RIMS2: variants seen among roughly 807,000 people sequenced by gnomAD.
The protein encoded by RIMS2 is regulating synaptic membrane exocytosis 2.
Under a neutral mutation model 174.4 loss-of-function variants are expected in RIMS2, and 59 were observed. The observed-to-expected ratio is 0.34, with a 90% CI of 0.27 to 0.42. The LOEUF is 0.42. RIMS2 is among the 10% of genes least tolerant of loss of function. The pLI is 1.00. For synonymous variants in RIMS2, 606 were observed against 572.5 expected (o/e 1.06, Z -0.84); for missense variants, 1,620 against 1,666.3 (o/e 0.97, Z 0.48).
At chr8:103,751,475 C>A (rs1016054805) in intron 2 of RIMS2, among the ~76,000 whole-genome samples, 8 of 151,718 alleles carry the variant, frequency 5.3e-5, no homozygotes, top group Non-Finnish European at 8.8e-5. Context: ...AATGGGATGT[C>A]TGGGTCAAAT....
intron 2 of RIMS2, among the ~76,000 whole-genome samples, chr8:103,732,444 G>A (rs187053247): frequency 7.9e-4 from 120 of 152,244 alleles, no homozygotes; most frequent in African/African-American, 2.7e-3. Context: ...GACCACTGGT[G>A]AACATATCAT....
At chr8:103,964,628 A>T (rs1361260719) in intron 15 of RIMS2, among the ~76,000 whole-genome samples, 1 of 151,908 alleles carries the variant, frequency 6.6e-6, no homozygotes, top group Admixed American at 6.6e-5. Context: ...TAAAGCAGGG[A>T]TTGTCTTGAC....
chr8:103,644,850 A>G (rs2096295424), intron 1 of RIMS2, among the ~76,000 whole-genome samples: 1 of 151,868 alleles, frequency 6.6e-6, no homozygotes, highest in South Asian at 2.1e-4. Context: ...GAAATTGGAA[A>G]CTGATTTTTA....
intron 3 of RIMS2, chr8:103,819,189 T>C: frequency 1.8e-6 from 2 of 1,134,180 alleles, no homozygotes; most frequent in Non-Finnish European, 1.1e-6. Flanking sequence ...TAGAGAAATA[T>C]GAGTAGAGTA....
At chr8:104,201,754 G>A (rs1300687961) in intron 19 of RIMS2, among the ~76,000 whole-genome samples, 5 of 152,126 alleles carry the variant, frequency 3.3e-5, no homozygotes, top group Admixed American at 2.6e-4. Flanking sequence ...ATTTGAACGA[G>A]TTATAATTCC....
chr8:104,051,478 A>T (rs1047686359), intron 19 of RIMS2, among the ~76,000 whole-genome samples: 1 of 152,076 alleles, frequency 6.6e-6, no homozygotes, highest in African/African-American at 2.4e-5. Flanking sequence ...AATTTAAGGA[A>T]ATCTGTAAAA....
chr8:103,645,920 C>T (rs2096319798), intron 1 of RIMS2, among the ~76,000 whole-genome samples: 1 of 152,100 alleles, frequency 6.6e-6, no homozygotes, highest in Non-Finnish European at 1.5e-5. Flanking sequence ...GTTTATTTCA[C>T]CTGGGTGCAG....
intron 14 of RIMS2, among the ~76,000 whole-genome samples, chr8:103,959,875 G>A (rs2154545225): frequency 6.6e-6 from 1 of 152,198 alleles, no homozygotes; most frequent in South Asian, 2.1e-4. Flanking sequence ...GAAATTTATA[G>A]CACTAAATGC....
At chr8:103,773,222 C>T (rs36000561) in intron 3 of RIMS2, among the ~76,000 whole-genome samples, 17,636 of 151,918 alleles carry the variant, frequency 0.12, 1,356 homozygotes, top group Non-Finnish European at 0.17. Flanking sequence ...CACTGTATAA[C>T]CATGTTGTAT....
chr8:103,634,808 A>T (rs562710120), intron 1 of RIMS2, among the ~76,000 whole-genome samples: 8 of 152,004 alleles, frequency 5.3e-5, no homozygotes, highest in African/African-American at 1.7e-4. Flanking sequence ...GTTGTCTTGA[A>T]ATCTGTTCTG....
At chr8:103,636,786 G>A (rs888920335) in intron 1 of RIMS2, among the ~76,000 whole-genome samples, 2 of 27,160 alleles carry the variant, frequency 7.4e-5, no homozygotes, top group Admixed American at 3.8e-4. Flanking sequence ...ACCCACCCCC[G>A]CACCCCCCCC....
At chr8:103,995,496 AC>A (rs2095033583) in intron 17 of RIMS2, among the ~76,000 whole-genome samples, 1 of 152,076 alleles carries the variant, frequency 6.6e-6, no homozygotes, top group Non-Finnish European at 1.5e-5. Flanking sequence ...GGCATTCTTG[AC>A]AGAATGATGA....
chr8:103,794,000 A>T (rs892702183), intron 3 of RIMS2, among the ~76,000 whole-genome samples: 1 of 152,226 alleles, frequency 6.6e-6, no homozygotes, highest in East Asian at 1.9e-4. Flanking sequence ...GAAAATGGCC[A>T]TACTGCCCAA....
At chr8:103,645,165 G>A (rs1353666599) in intron 1 of RIMS2, among the ~76,000 whole-genome samples, 1 of 151,916 alleles carries the variant, frequency 6.6e-6, no homozygotes, top group Non-Finnish European at 1.5e-5. Flanking sequence ...ATAGAATTCA[G>A]TGTCACTATA....
intron 10 of RIMS2, among the ~76,000 whole-genome samples, chr8:103,922,960 T>A (rs1334606131): frequency 1.3e-5 from 2 of 151,966 alleles, no homozygotes; most frequent in African/African-American, 4.8e-5. Context: ...AGATTGTAAA[T>A]GTTCCACTAA....
chr8:104,096,295 TA>T (rs1405632978), intron 19 of RIMS2, among the ~76,000 whole-genome samples: 4 of 152,206 alleles, frequency 2.6e-5, no homozygotes, highest in African/African-American at 9.6e-5. Context: ...CACGCTGCCA[TA>T]CCTGGCTTGC....
At chr8:103,791,641 T>C (rs1436704855) in intron 3 of RIMS2, among the ~76,000 whole-genome samples, 2 of 151,900 alleles carry the variant, frequency 1.3e-5, no homozygotes, top group Admixed American at 1.3e-4. Context: ...CGGTAAAGAG[T>C]CAAGATCCAT....
At chr8:103,885,819 A>G (rs2099197510) in exon 4 of RIMS2, 1 of 1,612,898 alleles carries the variant, frequency 6.2e-7, no homozygotes, top group South Asian at 1.1e-5. Context: ...ATGGAAAATC[A>G]GCGATCTTAT....
intron 3 of RIMS2, among the ~76,000 whole-genome samples, chr8:103,841,442 G>A (rs967233410): frequency 2.0e-4 from 30 of 151,020 alleles, no homozygotes; most frequent in Non-Finnish European, 7.4e-5. Context: ...TCTCTGTCTC[G>A]GTGTAAATGA....
Sources: allele counts gnomAD v4.1 joint callset (sites outside exome capture counted in the v4.1 genomes callset), GRCh38; gene constraint gnomAD v4.1.1; transcripts MANE v1.5; gene names NCBI Gene and HGNC (gene_info 2026-07-23, HGNC 2026-07-21).